The following ATF7IP variants were observed in gnomAD, a reference collection of about 807,000 sequenced individuals.
ATF7IP encodes the protein activating transcription factor 7-interacting protein 1.
ATF7IP carries 23 observed loss-of-function variants against 106.4 expected under a neutral mutation model. The observed-to-expected ratio is 0.22, with a 90% CI of 0.16 to 0.31. The LOEUF is 0.31. Ranked by LOEUF, ATF7IP falls within the 10% of genes least tolerant of loss-of-function variation. The probability of loss-of-function intolerance (pLI) is 1.00; values close to 1 mark genes in which losing one functional copy is unlikely to be tolerated. For missense variants in ATF7IP, 1,334 were observed against 1,524.3 expected (o/e 0.88, Z 2.08); for synonymous variants, 542 against 539.0 (o/e 1.01, Z -0.08).
Position 14,424,869 on chromosome 12 carries a change from A to G in ATF7IP, c.954A>G (p.Glu318=). Residue 318 remains glutamate, a synonymous_variant, in exon 2 of 15, where the codon GAA becomes GAG. Coordinates refer to ENST00000261168, the MANE Select transcript of ATF7IP (RefSeq NM_018179.5). ...GCAATAAAGATGATGATTTTCTTGA[A>G]AAAAATGGAGCTGATGAAAAATTAG... ...PSSNKDDDFL[E]KNGADEKLEQ... is the part of the protein sequence containing the mutation. The G allele has an allele frequency of 1.2e-6, 2 of 1,611,272 alleles. No individual in the cohort carries two copies. Among genetic ancestry groups the G allele is most frequent in the Middle Eastern group, 1.7e-4 (1 of 6,042 alleles).
At chr12:14,489,812 TAG>T (rs1234698881) in intron 13 of ATF7IP, among the ~76,000 whole-genome samples, 1 of 152,154 alleles carries the variant, frequency 6.6e-6, no homozygotes, top group African/African-American at 2.4e-5. Context: ...GTGCCTTGGT[TAG>T]AGTCAATGTT....
chr12:14,369,496 T>C (rs1284694234), intron 1 of ATF7IP, among the ~76,000 whole-genome samples: 1 of 152,102 alleles, frequency 6.6e-6, no homozygotes, highest in Non-Finnish European at 1.5e-5. Flanking sequence ...ATTACAGGCG[T>C]GCACCACCAT....
intron 1 of ATF7IP, among the ~76,000 whole-genome samples, chr12:14,368,717 T>C (rs1938406297): frequency 6.6e-6 from 1 of 152,154 alleles, no homozygotes; most frequent in Non-Finnish European, 1.5e-5. Flanking sequence ...AAGTTGAATT[T>C]GTTATTGTTT....
intron 1 of ATF7IP, chr12:14,367,194 A>T (rs557408547): frequency 2.6e-5 from 4 of 152,290 alleles, no homozygotes; most frequent in African/African-American, 9.6e-5. Flanking sequence ...GTCTACTGTC[A>T]AATGAAGACG....
Position 14,401,756 on chromosome 12 carries a change from C to T in ATF7IP, c.-7-22153C>T, listed in dbSNP as rs141220062. Among the ~76,000 whole-genome samples the T allele has an allele frequency of 6.1e-3, 737 of 121,032 alleles. 9 individuals are homozygous for T. Among genetic ancestry groups the T allele is most frequent in the African/African-American group, 0.021 (653 of 31,572 alleles). The allele number at this position is 121,032 out of a possible 152,430, so 79.4% of individuals were successfully genotyped here. A position where few individuals can be genotyped will look rare whatever the true frequency, so the allele number is the denominator to read the frequency against. ...TTTTTGATATGGAATCTCGCTGTGT[C>T]GCTCAGGCTGGAGTGCGATGGCGCT... On this transcript the variant is annotated intron_variant, in intron 1 of 14. Coordinates refer to ENST00000261168, the MANE Select transcript of ATF7IP (RefSeq NM_018179.5).
At chr12:14,378,218 C>G (rs1938841974) in intron 1 of ATF7IP, among the ~76,000 whole-genome samples, 1 of 152,006 alleles carries the variant, frequency 6.6e-6, no homozygotes, top group South Asian at 2.1e-4. Flanking sequence ...CTGCATCAGC[C>G]TTCCGAGTGG....
In ATF7IP at chr12:14,502,020, G is replaced by T. The variant is rs968490366; in HGVS notation, c.*3947G>T. ...TTTTTTACTCTGTGATTTTAGCACA[G>T]TAAGGTACTGCAAAGACCTTCCTTC... On this transcript the variant is annotated 3_prime_UTR_variant, in exon 15 of 15. Coordinates refer to ENST00000261168, the MANE Select transcript of ATF7IP (RefSeq NM_018179.5). 1 of 152,178 alleles carries T rather than the reference G, an allele frequency of 6.6e-6. No homozygotes were observed. The highest frequency in any genetic ancestry group is 6.5e-5 in the Admixed American group (1 of 15,270). 9.4% of individuals were successfully genotyped at this position (152,178 alleles called of 1,614,324 possible). A position where few individuals can be genotyped will look rare whatever the true frequency, so the allele number is the denominator to read the frequency against.
chr12:14,412,280 A>T (rs1940964087), intron 1 of ATF7IP, among the ~76,000 whole-genome samples: 1 of 152,116 alleles, frequency 6.6e-6, no homozygotes. Context: ...TTGCATTTTC[A>T]TATTAATTTT....
At chr12:14,464,546 G>A (rs1273592091) in intron 9 of ATF7IP, among the ~76,000 whole-genome samples, 1 of 152,120 alleles carries the variant, frequency 6.6e-6, no homozygotes, top group African/African-American at 2.4e-5. Context: ...ATGATAGAAG[G>A]ATTTTAAGCT....
chr12:14,409,354 CATTT>C (rs1446746499), intron 1 of ATF7IP, among the ~76,000 whole-genome samples: 3 of 152,028 alleles, frequency 2.0e-5, no homozygotes, highest in Non-Finnish European at 4.4e-5. Flanking sequence ...CATTTAAAAA[CATTT>C]ATCATCATTA....
intron 9 of ATF7IP, among the ~76,000 whole-genome samples, chr12:14,464,110 C>T (rs562659030): frequency 8.5e-5 from 13 of 152,130 alleles, no homozygotes; most frequent in South Asian, 4.2e-4. Context: ...CTCAGGAGCT[C>T]GCCACCAGCC....
intron 13 of ATF7IP, among the ~76,000 whole-genome samples, chr12:14,491,862 T>G (rs1193987151): frequency 1.3e-5 from 2 of 152,230 alleles, no homozygotes; most frequent in Non-Finnish European, 2.9e-5. Context: ...ACTGCCATTC[T>G]CCATGATCCA....
At position 14,501,717 on chromosome 12, in the gene ATF7IP, AAT is replaced by A. The variant is rs1945164395; in HGVS notation, c.*3647_*3648del. 1 of 152,146 alleles carries A rather than the reference AAT, an allele frequency of 6.6e-6. No homozygotes were observed. Among genetic ancestry groups the A allele is most frequent in the South Asian group, 2.1e-4 (1 of 4,828 alleles). 9.4% of individuals were successfully genotyped at this position (152,146 alleles called of 1,614,324 possible). A position where few individuals can be genotyped will look rare whatever the true frequency, so the allele number is the denominator to read the frequency against. ...CTCCCATCCCCATTGCCAGATAATAAATATTTTGAGAAAAGTGACCTAAAACA... is the reference window on the plus strand; with the variant it reads ...CTCCCATCCCCATTGCCAGATAATAAATTTTGAGAAAAGTGACCTAAAACA... On this transcript the variant is annotated 3_prime_UTR_variant, in exon 15 of 15. Coordinates refer to ENST00000261168, the MANE Select transcript of ATF7IP (RefSeq NM_018179.5).
intron 1 of ATF7IP, among the ~76,000 whole-genome samples, chr12:14,393,731 C>T (rs1939696929): frequency 6.6e-6 from 1 of 152,112 alleles, no homozygotes; most frequent in African/African-American, 2.4e-5. Context: ...TTTGTTATTT[C>T]AGATGCGGGA....
rs146410903 is a variant in ATF7IP, at chr12:14,380,631, T to C, written c.-8+14804T>C. On this transcript the variant is annotated intron_variant, in intron 1 of 14. Transcript: ENST00000261168. ...GTACTTTCAGGTTTTGTTTTTATTT[T>C]ATTTTTTTTAAGACAGAATCTTACT... is the stretch of plus-strand genomic sequence containing the variant. Among the ~76,000 whole-genome samples the C allele has an allele frequency of 3.9e-3, 600 of 152,344 alleles. 8 individuals carry two copies. Among genetic ancestry groups the C allele is most frequent in the Non-Finnish European group, 6.7e-3 (459 of 68,034 alleles).
chr12:14,415,796 C>A (rs1422280859), intron 1 of ATF7IP, among the ~76,000 whole-genome samples: 1 of 150,806 alleles, frequency 6.6e-6, no homozygotes, highest in Non-Finnish European at 1.5e-5. Context: ...GTTTACATAG[C>A]CTTTATGTTA....
intron 1 of ATF7IP, among the ~76,000 whole-genome samples, chr12:14,404,653 C>T (rs566832819): frequency 2.0e-4 from 30 of 152,234 alleles, no homozygotes; most frequent in Admixed American, 1.6e-3. Context: ...TTACATATTT[C>T]ACAACTCTCT....
chr12:14,407,257 A>G (rs16909862), intron 1 of ATF7IP, among the ~76,000 whole-genome samples: 15,736 of 152,248 alleles, frequency 0.1, 1,008 homozygotes, highest in African/African-American at 0.19. Context: ...AGAAATGCAT[A>G]GAACAAGTAC....
In ATF7IP at chr12:14,413,107, G is replaced by A. The variant is rs76797817; in HGVS notation, c.-7-10802G>A. Among the ~76,000 whole-genome samples the A allele has an allele frequency of 4.4e-3, 663 of 152,308 alleles. 3 individuals are homozygous for A. Among genetic ancestry groups the A allele is most frequent in the African/African-American group, 0.015 (638 of 41,550 alleles). The stretch of plus-strand genomic sequence containing the variant: ...TAGTTCAATGCTGACTAGAAATGGT[G>A]AGGGCAGATATCTTTTGTTCTGATC... On this transcript the variant is annotated intron_variant, in intron 1 of 14. Coordinates refer to ENST00000261168, the MANE Select transcript of ATF7IP (RefSeq NM_018179.5).
Sources: allele counts gnomAD v4.1 joint callset (sites outside exome capture counted in the v4.1 genomes callset), GRCh38; gene constraint gnomAD v4.1.1; transcripts MANE v1.5; gene names NCBI Gene and HGNC (gene_info 2026-07-23, HGNC 2026-07-21).